Variants in SMTNL2 observed in about 807,000 individuals in gnomAD.
SMTNL2 encodes the protein smoothelin-like protein 2.
In SMTNL2, 43 loss-of-function variants were observed where a neutral mutation model predicts 44.1. That is an observed-to-expected ratio of 0.98 (90% CI 0.76 to 1.26). The LOEUF is 1.26. SMTNL2 is among the 50% of genes most tolerant of loss of function. The pLI is 0.00. For synonymous variants in SMTNL2, 317 were observed against 287.6 expected (o/e 1.10, Z -1.03); for missense variants, 646 against 670.2 (o/e 0.96, Z 0.40).
At chr17:4,590,448 C>G (rs1376682434) in intron 1 of SMTNL2, among the ~76,000 whole-genome samples, 1 of 152,096 alleles carries the variant, frequency 6.6e-6, no homozygotes, top group African/African-American at 2.4e-5. Flanking sequence ...TTCCAGGAGC[C>G]CAGTGCATGC....
At chr17:4,591,927 T>G (rs974044926) in intron 1 of SMTNL2, among the ~76,000 whole-genome samples, 2 of 152,228 alleles carry the variant, frequency 1.3e-5, no homozygotes, top group Admixed American at 1.3e-4. Flanking sequence ...TAGCTCATCG[T>G]TGGCCCAGAA....
chr17:4,593,194 T>C (rs1027979840), intron 3 of SMTNL2, 23 bp downstream of exon 3: 2 of 1,557,910 alleles, frequency 1.3e-6, no homozygotes, highest in African/African-American at 1.4e-5. Flanking sequence ...GAGCGTGGCC[T>C]TGGGGCAGAC....
intron 1 of SMTNL2, among the ~76,000 whole-genome samples, chr17:4,586,411 T>C (rs1414211310): frequency 5.3e-5 from 8 of 152,176 alleles, no homozygotes; most frequent in Non-Finnish European, 1.0e-4. Flanking sequence ...AGGTTTTATT[T>C]GAACATGCAT....
rs1404124986 is a variant in SMTNL2 at position 4,595,189 on chromosome 17, C to T, written c.851C>T (p.Pro284Leu). 3.7e-6 allele frequency: 6 copies of T among 1,613,336 alleles called. No individual in the cohort carries two copies. Among genetic ancestry groups the T allele is most frequent in the Admixed American group, 1.7e-5 (1 of 60,026 alleles). Residue 284 changes from proline to leucine, a missense_variant, in exon 5 of 8, where the codon CCG becomes CTG. Pro to Leu is a moderately conservative substitution (Grantham distance 98, BLOSUM62 -3). Transcript: ENST00000389313. The surrounding 1 kb of genome is among the most constrained non-coding windows in gnomAD (Gnocchi z 5.1). ...TPPQSPVSPQ[P>L]PAITQVHRQG... is the part of the protein sequence containing the mutation. ...CCCCAGTCGCCCGTGTCCCCGCAGC[C>T]GCCAGCCATAACTCAGGTCCATCGG...
In SMTNL2 at chr17:4,586,459, TAA is replaced by T. The variant is rs529181794; in HGVS notation, c.399+1465_399+1466del. On this transcript the variant is annotated intron_variant, in intron 1 of 7. Coordinates refer to ENST00000389313, the MANE Select transcript of SMTNL2 (RefSeq NM_001114974.2). The stretch of plus-strand genomic sequence containing the variant: ...TGCTCATAGCAGCAGCTGTCCAAAT[TAA>T]AAAAAAAAATGTCAGGTTCACATAT... Among the ~76,000 whole-genome samples, 376 of 144,992 alleles carry T rather than the reference TAA, an allele frequency of 2.6e-3. 1 individual carries two copies. Among genetic ancestry groups the T allele is most frequent in the Non-Finnish European group, 3.8e-3 (252 of 65,628 alleles).
At chr17:4,597,370 G>C in intron 7 of SMTNL2, 47 bp downstream of exon 7, 2 of 1,597,770 alleles carry the variant, frequency 1.3e-6, no homozygotes, top group South Asian at 2.2e-5. Flanking sequence ...CCCAGTCCCT[G>C]AGCCCAACTT....
At chr17:4,585,598 T>C (rs1488092500) in intron 1 of SMTNL2, among the ~76,000 whole-genome samples, 4 of 152,216 alleles carry the variant, frequency 2.6e-5, no homozygotes, top group Non-Finnish European at 4.4e-5. Context: ...TTGAGCCGTG[T>C]CTAGATTCCT....
intron 7 of SMTNL2, among the ~76,000 whole-genome samples, chr17:4,605,664 G>A (rs1037913818): frequency 1.3e-5 from 2 of 152,204 alleles, no homozygotes; most frequent in South Asian, 2.1e-4. Flanking sequence ...ACAGCCATGC[G>A]CTTATTGATG....
At chr17:4,589,897 C>G (rs1404067131) in intron 1 of SMTNL2, among the ~76,000 whole-genome samples, 1 of 134,722 alleles carries the variant, frequency 7.4e-6, no homozygotes, top group East Asian at 2.4e-4. Context: ...ATTTCCTCTT[C>G]ACCTTTTCCT....
chr17:4,602,471 C>T (rs956834245), intron 7 of SMTNL2, among the ~76,000 whole-genome samples: 14 of 151,688 alleles, frequency 9.2e-5, no homozygotes, highest in African/African-American at 2.2e-4. Flanking sequence ...TACAGGCATG[C>T]GCCACCATGC....
chr17:4,603,212 A>G (rs1052832859), intron 7 of SMTNL2, among the ~76,000 whole-genome samples: 6 of 152,144 alleles, frequency 3.9e-5, no homozygotes, highest in African/African-American at 1.4e-4. Flanking sequence ...CCTCCTATGA[A>G]GTGGGTTAGG....
chr17:4,591,625 C>T (rs944425875), intron 1 of SMTNL2, among the ~76,000 whole-genome samples: 5 of 152,234 alleles, frequency 3.3e-5, no homozygotes, highest in South Asian at 2.1e-4. Flanking sequence ...TGGTAGATGC[C>T]GAGTGGCACT....
chr17:4,605,890 T>G (rs568040034), intron 7 of SMTNL2, among the ~76,000 whole-genome samples: 4 of 152,200 alleles, frequency 2.6e-5, no homozygotes, highest in African/African-American at 7.2e-5. Flanking sequence ...CCAGAGGCTG[T>G]CTGTTGTTAT....
Position 4,598,606 on chromosome 17 carries a change from C to T in SMTNL2, c.1259+1283C>T, listed in dbSNP as rs936291912. Among the ~76,000 whole-genome samples, 6 of 152,104 alleles carry T rather than the reference C, an allele frequency of 3.9e-5. No individual in the cohort carries two copies. Among genetic ancestry groups the T allele is most frequent in the Admixed American group, 2.0e-4 (3 of 15,272 alleles). On this transcript the variant is annotated intron_variant, in intron 7 of 7. Coordinates refer to ENST00000389313, the MANE Select transcript of SMTNL2 (RefSeq NM_001114974.2). This position sits in a 1 kb window ranked among gnomAD's most constrained non-coding sequence, Gnocchi z 4.8. ...TGGGAGGCCAAGGCGGGTGGATTGC[C>T]TGAGCTCAGGAGTTCGAGACCAGCT... is the stretch of plus-strand genomic sequence containing the variant.
At chr17:4,601,077 C>G (rs1031197520) in intron 7 of SMTNL2, among the ~76,000 whole-genome samples, 1 of 152,216 alleles carries the variant, frequency 6.6e-6, no homozygotes, top group Admixed American at 6.5e-5. Context: ...TTCCCCACCC[C>G]ACTGATGCGG....
chr17:4,589,590 G>A (rs565092707), intron 1 of SMTNL2, among the ~76,000 whole-genome samples: 1 of 152,262 alleles, frequency 6.6e-6, no homozygotes, highest in East Asian at 1.9e-4. Flanking sequence ...TCCTCTCCAA[G>A]GCTGGCTCTT....
intron 7 of SMTNL2, among the ~76,000 whole-genome samples, chr17:4,606,336 G>A (rs1017982212): frequency 1.3e-5 from 2 of 151,526 alleles, no homozygotes; most frequent in African/African-American, 4.8e-5. Context: ...TGGTCAGGCT[G>A]GTCTCGAACT....
At position 4,600,324 on chromosome 17, in the gene SMTNL2, G is replaced by A. The variant is rs1055255740; in HGVS notation, c.1259+3001G>A. ...GCGGCAAAGGCTGAGCAGATCCAGG[G>A]TCGTGCAGGCAGCAGGACCACAGAG... On this transcript the variant is annotated intron_variant, in intron 7 of 7. Transcript: ENST00000389313. This position sits in a 1 kb window ranked among gnomAD's most constrained non-coding sequence, Gnocchi z 4.7. 1.7e-4 allele frequency among the ~76,000 whole-genome samples: 26 copies of A among 152,186 alleles called. No individual in the cohort carries two copies. The highest frequency in any genetic ancestry group is 1.5e-3 in the Admixed American group (23 of 15,286).
At chr17:4,589,302 C>G (rs1334590452) in intron 1 of SMTNL2, among the ~76,000 whole-genome samples, 1 of 152,140 alleles carries the variant, frequency 6.6e-6, no homozygotes, top group Non-Finnish European at 1.5e-5. Flanking sequence ...GCCTTTCCCC[C>G]CAGAGCCCCG....
Sources: allele counts gnomAD v4.1 joint callset (sites outside exome capture counted in the v4.1 genomes callset), GRCh38; gene constraint gnomAD v4.1.1; non-coding constraint Gnocchi (gnomAD v3.1); transcripts MANE v1.5; gene names NCBI Gene and HGNC (gene_info 2026-07-23, HGNC 2026-07-21).